Variants in UNC5C observed in about 807,000 individuals in gnomAD.
UNC5C encodes netrin receptor UNC5C.
Under a neutral mutation model 99.8 loss-of-function variants are expected in UNC5C, and 47 were observed. The observed-to-expected ratio is 0.47, with a 90% CI of 0.37 to 0.60. The LOEUF (loss-of-function observed/expected upper bound fraction) is 0.60, where lower values mean the gene tolerates loss of function less well. Ranked by LOEUF, UNC5C falls within the 20% of genes least tolerant of loss-of-function variation. UNC5C has a pLI of 0.00. For synonymous variants in UNC5C, 487 were observed against 452.2 expected, an observed-to-expected ratio of 1.08 and a Z score of -0.98; for missense variants, 1,062 against 1,165.9, an observed-to-expected ratio of 0.91 and a Z score of 1.30.
intron 1 of UNC5C, among the ~76,000 whole-genome samples, chr4:95,424,514 TTTTC>T (rs1446875500): frequency 5.6e-5 from 7 of 125,802 alleles, no homozygotes; most frequent in African/African-American, 1.2e-4. Context: ...TTTTTTTTTC[TTTTC>T]TTTTTTTTTT....
intron 5 of UNC5C, 62 bp downstream of exon 5, chr4:95,250,425 C>T (rs1051556054): frequency 1.0e-4 from 153 of 1,524,456 alleles, no homozygotes; most frequent in Middle Eastern, 1.7e-4. Context: ...CTAGCTTTAC[C>T]GATGCCAACG....
At chr4:95,258,743 A>ATTTTTTTTTTTT (rs1740102405) in intron 4 of UNC5C, among the ~76,000 whole-genome samples, 1 of 85,868 alleles carries the variant, frequency 1.2e-5, no homozygotes, top group African/African-American at 3.8e-5. Context: ...CGACCATCTT[A>ATTTTTTTTTTTT]TTCTTTTTTT....
chr4:95,526,998 T>C (rs1174154135), intron 1 of UNC5C, among the ~76,000 whole-genome samples: 2 of 152,110 alleles, frequency 1.3e-5, no homozygotes, highest in East Asian at 3.8e-4. Flanking sequence ...AATACAGGCA[T>C]AGTATGATAG....
chr4:95,263,264 C>G (rs1393111595), intron 4 of UNC5C, among the ~76,000 whole-genome samples: 1 of 152,196 alleles, frequency 6.6e-6, no homozygotes, highest in Non-Finnish European at 1.5e-5. Context: ...TATACACAGA[C>G]ATGGCATCTT....
chr4:95,306,932 C>A (rs113560990), intron 2 of UNC5C, among the ~76,000 whole-genome samples: 5,281 of 152,226 alleles, frequency 0.035, 123 homozygotes, highest in South Asian at 0.052. Flanking sequence ...TTGGTTCTTT[C>A]TTCCAGTGCT....
intron 1 of UNC5C, among the ~76,000 whole-genome samples, chr4:95,352,570 T>C (rs566770805): frequency 6.6e-6 from 1 of 152,300 alleles, no homozygotes; most frequent in East Asian, 1.9e-4. Context: ...TCAGAAACTT[T>C]GTCCATTTTG....
At chr4:95,188,612 C>G (rs937162011) in intron 12 of UNC5C, among the ~76,000 whole-genome samples, 3 of 152,214 alleles carry the variant, frequency 2.0e-5, no homozygotes, top group Non-Finnish European at 4.4e-5. Flanking sequence ...ACTTGTATTT[C>G]ACACTGCTTG....
At chr4:95,443,636 A>T (rs918403291) in intron 1 of UNC5C, among the ~76,000 whole-genome samples, 1 of 152,138 alleles carries the variant, frequency 6.6e-6, no homozygotes, top group Non-Finnish European at 1.5e-5. Context: ...TCCTTTTATT[A>T]TTTAACCATC....
At chr4:95,327,019 A>AT (rs1385646155) in intron 2 of UNC5C, among the ~76,000 whole-genome samples, 10 of 152,074 alleles carry the variant, frequency 6.6e-5, no homozygotes, top group African/African-American at 1.9e-4. Flanking sequence ...ACCAGGTTTG[A>AT]TTTTTTCAAA....
At chr4:95,392,815 GAAAAT>G (rs1288896961) in intron 1 of UNC5C, among the ~76,000 whole-genome samples, 1 of 151,836 alleles carries the variant, frequency 6.6e-6, no homozygotes, top group Admixed American at 6.6e-5. Flanking sequence ...TCTTAAGAAA[GAAAAT>G]AAGATAATTT....
At chr4:95,386,189 TCTAA>T (rs368450466) in intron 1 of UNC5C, among the ~76,000 whole-genome samples, 2 of 152,270 alleles carry the variant, frequency 1.3e-5, no homozygotes, top group African/African-American at 2.4e-5. Context: ...ACAACCAATT[TCTAA>T]CTGAGTTCTT....
intron 3 of UNC5C, among the ~76,000 whole-genome samples, chr4:95,287,364 T>G (rs1741274262): frequency 6.6e-6 from 1 of 152,222 alleles, no homozygotes; most frequent in African/African-American, 2.4e-5. Flanking sequence ...AAAGACACTT[T>G]GCAGTCATTT....
At chr4:95,206,594 C>G in intron 11 of UNC5C, 34 bp downstream of exon 11, 1 of 1,613,088 alleles carries the variant, frequency 6.2e-7, no homozygotes, top group Non-Finnish European at 8.5e-7. Flanking sequence ...ATGGATTATT[C>G]TTGCATAGCA....
chr4:95,489,363 G>GATGGGATTTA (rs1364562123), intron 1 of UNC5C, among the ~76,000 whole-genome samples: 7 of 151,612 alleles, frequency 4.6e-5, no homozygotes, highest in Non-Finnish European at 7.4e-5. Flanking sequence ...AGTGATTGCG[G>GATGGGATTTA]CAGAAGATGT....
chr4:95,416,074 C>T (rs1746156115), intron 1 of UNC5C, among the ~76,000 whole-genome samples: 1 of 152,006 alleles, frequency 6.6e-6, no homozygotes, highest in Non-Finnish European at 1.5e-5. Flanking sequence ...CTTTGGAATA[C>T]ATTTATTTGT....
intron 1 of UNC5C, among the ~76,000 whole-genome samples, chr4:95,387,651 A>C (rs1284041154): frequency 6.6e-6 from 1 of 152,224 alleles, no homozygotes; most frequent in Non-Finnish European, 1.5e-5. Flanking sequence ...CTGTGTTTCT[A>C]TGACTGCTGT....
At chr4:95,542,629 C>G (rs1296713426) in intron 1 of UNC5C, among the ~76,000 whole-genome samples, 1 of 151,482 alleles carries the variant, frequency 6.6e-6, no homozygotes, top group Non-Finnish European at 1.5e-5. Flanking sequence ...CAGCAATGCT[C>G]AAAACAAAAA....
chr4:95,220,239 T>A, intron 7 of UNC5C, 63 bp from the exon 8 acceptor site: 7 of 1,382,852 alleles, frequency 5.1e-6, no homozygotes, highest in Non-Finnish European at 6.7e-6. Flanking sequence ...TACACATATG[T>A]ATTGCTATAA....
In UNC5C at chr4:95,221,582, G is replaced by A. The variant is rs560646796; in HGVS notation, c.1109-1406C>T. Among the ~76,000 whole-genome samples, 6 of 152,278 alleles carry A rather than the reference G, an allele frequency of 3.9e-5. No homozygotes were observed. The Middle Eastern group carries it at 0.01, about 259-fold the overall frequency. ...CTCTTTTGGCATTTTGTGTTTAAAT[G>A]TAATGTATCCAAAAGGATTTTGCTT... On this transcript the variant is annotated intron_variant, in intron 7 of 15. Transcript: ENST00000453304.
Sources: allele counts gnomAD v4.1 joint callset (sites outside exome capture counted in the v4.1 genomes callset), GRCh38; gene constraint gnomAD v4.1.1; transcripts MANE v1.5; gene names NCBI Gene and HGNC (gene_info 2026-07-23, HGNC 2026-07-21).